Variants in RYR2 observed in about 807,000 individuals in gnomAD.
The protein encoded by RYR2 is cardiac muscle ryanodine receptor-calcium release channel.
In RYR2, 227 loss-of-function variants were observed where a neutral mutation model predicts 601.1. The observed-to-expected ratio is 0.38, with a 90% CI of 0.34 to 0.42. The LOEUF is 0.42. Ranked by LOEUF, RYR2 falls within the 10% of genes least tolerant of loss-of-function variation. RYR2 has a pLI of 1.00. For synonymous variants in RYR2, 2,223 were observed against 2,175.1 expected (o/e 1.02, Z -0.61); for missense variants, 4,646 against 6,156.5 (o/e 0.75, Z 8.21).
intron 13 of RYR2, among the ~76,000 whole-genome samples, chr1:237,443,480 C>T (rs923894348): frequency 6.6e-6 from 1 of 152,052 alleles, no homozygotes; most frequent in Non-Finnish European, 1.5e-5. Flanking sequence ...TGTCTTTTAA[C>T]TTGTTGATAA....
chr1:237,348,929 T>C (rs1368271158), intron 3 of RYR2, among the ~76,000 whole-genome samples: 1 of 152,172 alleles, frequency 6.6e-6, no homozygotes. Flanking sequence ...AAAGGATTCA[T>C]GAACTGAAAA....
chr1:237,760,025 A>G (rs1573838533), intron 83 of RYR2, among the ~76,000 whole-genome samples, 173 bp downstream of exon 83: 1 of 152,214 alleles, frequency 6.6e-6, no homozygotes, highest in African/African-American at 2.4e-5. Flanking sequence ...GGGGTTGGTA[A>G]TATCATAATT....
chr1:237,134,073 A>G (rs1190310580), intron 1 of RYR2, among the ~76,000 whole-genome samples: 4 of 152,082 alleles, frequency 2.6e-5, no homozygotes, highest in African/African-American at 9.7e-5. Flanking sequence ...ATGACTTCTG[A>G]ATGATTCACC....
At chr1:237,136,297 G>A (rs1672769352) in intron 1 of RYR2, among the ~76,000 whole-genome samples, 1 of 152,178 alleles carries the variant, frequency 6.6e-6, no homozygotes, top group African/African-American at 2.4e-5. Flanking sequence ...AGTATCTAAT[G>A]CAAGGCAGAG....
At chr1:237,563,664 A>G (rs1007662231) in intron 27 of RYR2, among the ~76,000 whole-genome samples, 1 of 152,072 alleles carries the variant, frequency 6.6e-6, no homozygotes, top group Non-Finnish European at 1.5e-5. Flanking sequence ...CCCTATTTTC[A>G]TTCCCTATAG....
intron 1 of RYR2, among the ~76,000 whole-genome samples, chr1:237,210,748 C>T (rs1343385104): frequency 6.6e-6 from 1 of 152,040 alleles, no homozygotes; most frequent in African/African-American, 2.4e-5. Flanking sequence ...GAACTTATCC[C>T]ACTATCTTGG....
intron 24 of RYR2, among the ~76,000 whole-genome samples, chr1:237,525,941 T>C (rs1347695676): frequency 6.6e-6 from 1 of 151,422 alleles, no homozygotes; most frequent in Admixed American, 6.6e-5. Context: ...GATTGCACCA[T>C]TGCACTCCAG....
chr1:237,716,992 T>C (rs2149099531), intron 71 of RYR2, among the ~76,000 whole-genome samples: 1 of 152,298 alleles, frequency 6.6e-6, no homozygotes, highest in African/African-American at 2.4e-5. Flanking sequence ...TGAATTATAA[T>C]GACCTAGGAA....
At chr1:237,807,477 G>A (rs545532506) in intron 99 of RYR2, among the ~76,000 whole-genome samples, 18 of 152,144 alleles carry the variant, frequency 1.2e-4, no homozygotes, top group Middle Eastern at 6.8e-3. Context: ...TCAGCCTCCC[G>A]CATAGCTGGG....
chr1:237,724,623 A>G (rs1470747579), intron 74 of RYR2, among the ~76,000 whole-genome samples: 1 of 152,028 alleles, frequency 6.6e-6, no homozygotes. Flanking sequence ...GAAATATTAA[A>G]TAAATACAAA....
In RYR2 at chr1:237,605,156, C is replaced by G. The variant is rs144373750; in HGVS notation, c.4683+3045C>G. Reference sequence around the variant, plus strand: ...TTAGACCAATATCTCTGATGAACATCGATGCAAAAATCCTCAATAAAATAC... The same window carrying G: ...TTAGACCAATATCTCTGATGAACATGGATGCAAAAATCCTCAATAAAATAC... On this transcript the variant is annotated intron_variant, in intron 35 of 104. Coordinates refer to ENST00000366574, the MANE Select transcript of RYR2 (RefSeq NM_001035.3). Among the ~76,000 whole-genome samples the G allele has an allele frequency of 3.8e-3, 585 of 152,180 alleles. 7 individuals carry two copies. The highest frequency in any genetic ancestry group is 0.013 in the African/African-American group (554 of 41,506).
chr1:237,314,850 A>G (rs945365643), intron 2 of RYR2, among the ~76,000 whole-genome samples: 3 of 152,200 alleles, frequency 2.0e-5, no homozygotes, highest in African/African-American at 7.2e-5. Flanking sequence ...TACCAGATTC[A>G]TTCTTGAACC....
At position 237,711,772 on chromosome 1, in the gene RYR2, G is replaced by A. The variant is rs397516497; in HGVS notation, c.10258G>A (p.Val3420Ile). Residue 3420 changes from valine to isoleucine, a missense_variant, in exon 71 of 105, where the codon GTT (valine) becomes ATT (isoleucine). Around this residue, in one of 17 missense-constraint regions of RYR2, gnomAD observed 1,497 missense variants for 1,842.6 expected, o/e 0.81. Coordinates refer to ENST00000366574, the MANE Select transcript of RYR2 (RefSeq NM_001035.3). ...TTTCAAAAGAGAAGAGCAGAACTTCGTTGTACAGAATGAAATCAACAATAT... is the reference window on the plus strand; with the variant it reads ...TTTCAAAAGAGAAGAGCAGAACTTCATTGTACAGAATGAAATCAACAATAT... Reference protein sequence around the residue: ...HNFKREEQNFVVQNEINNMSF... With the variant: ...HNFKREEQNFIVQNEINNMSF... 2.0e-5 allele frequency: 31 copies of A among 1,588,138 alleles called. No homozygotes were observed. Among genetic ancestry groups the A allele is most frequent in the South Asian group, 1.8e-4 (16 of 89,254 alleles).
chr1:237,255,787 T>G, intron 1 of RYR2, among the ~76,000 whole-genome samples: 1 of 152,044 alleles, frequency 6.6e-6, no homozygotes, highest in East Asian at 1.9e-4. Flanking sequence ...GGATTGTATC[T>G]GCATCCACAA....
At chr1:237,823,347 A>G (rs1181322627) in intron 101 of RYR2, among the ~76,000 whole-genome samples, 4 of 152,218 alleles carry the variant, frequency 2.6e-5, no homozygotes, top group Admixed American at 2.0e-4. Context: ...CCACAGTGCA[A>G]TCAAATTAGA....
At chr1:237,117,609 CTTT>C (rs1670222308) in intron 1 of RYR2, among the ~76,000 whole-genome samples, 3 of 151,704 alleles carry the variant, frequency 2.0e-5, no homozygotes, top group Admixed American at 1.3e-4. Flanking sequence ...CTCTTCTCTT[CTTT>C]CTCTTCTCTT....
chr1:237,290,548 C>T (rs1558565369), intron 2 of RYR2, among the ~76,000 whole-genome samples: 1 of 152,046 alleles, frequency 6.6e-6, no homozygotes. Flanking sequence ...ATTTTAAAGT[C>T]CCCAAAAGCA....
intron 29 of RYR2, among the ~76,000 whole-genome samples, chr1:237,583,713 C>G (rs7554494): frequency 0.49 from 74,368 of 151,954 alleles, 18,689 homozygotes; most frequent in South Asian, 0.66. Context: ...ATAATTTATT[C>G]TTAGGAAAAG....
chr1:237,196,095 C>A (rs932344783), intron 1 of RYR2, among the ~76,000 whole-genome samples: 2 of 152,138 alleles, frequency 1.3e-5, no homozygotes, highest in African/African-American at 4.8e-5. Context: ...TCATTAATTA[C>A]AAATGTCAAG....
Sources: allele counts gnomAD v4.1 joint callset (sites outside exome capture counted in the v4.1 genomes callset), GRCh38; gene constraint gnomAD v4.1.1; regional missense constraint gnomAD v4.1.1; transcripts MANE v1.5; gene names NCBI Gene and HGNC (gene_info 2026-07-23, HGNC 2026-07-21).